COL4A4: variants seen among roughly 807,000 people sequenced by gnomAD.
COL4A4 encodes the protein collagen type IV alpha 4 chain, also known as collagen alpha-4(IV) chain.
Under a neutral mutation model 192.9 loss-of-function variants are expected in COL4A4, and 105 were observed. The ratio of observed to expected loss-of-function variants is 0.54; its 90% confidence interval spans 0.46 to 0.64. The LOEUF is 0.64. Ranked by LOEUF, COL4A4 falls within the 30% of genes least tolerant of loss-of-function variation. The pLI is 0.00. For missense variants in COL4A4, 1,967 were observed against 2,169.3 expected (o/e 0.91, Z 1.85); for synonymous variants, 762 against 769.9 (o/e 0.99, Z 0.17).
At position 227,062,507 on chromosome 2, in the gene COL4A4, C is replaced by T. The variant is rs377237257; in HGVS notation, c.2056+23G>A. On this transcript the variant is annotated intron_variant, in intron 26 of 47. Transcript: ENST00000396625. ...TTTTTACTCTGGGAAGTATATAAGA[C>T]AGTAACTTCTCATTGATAATACCTG... 10 of 1,443,596 alleles carry T rather than the reference C, an allele frequency of 6.9e-6. No individual in the cohort carries two copies. In the African/African-American group the frequency reaches 1.3e-4, roughly 18 times the overall value. The allele number at this position is 1,443,596 out of a possible 1,614,324, so 89.4% of individuals were successfully genotyped here.
At chr2:227,111,515 G>T (rs1486046731) in intron 9 of COL4A4, among the ~76,000 whole-genome samples, 163 bp downstream of exon 9, 3 of 152,100 alleles carry the variant, frequency 2.0e-5, no homozygotes, top group African/African-American at 7.2e-5. Context: ...TTCTGTGGTC[G>T]CCATCTTGAA....
rs1337297282 is a variant in COL4A4, at chr2:227,147,510, A to G, written c.-27T>C. 2 of 1,600,240 alleles carry G rather than the reference A, an allele frequency of 1.2e-6. No individual in the cohort carries two copies. The highest frequency in any genetic ancestry group is 1.1e-5 in the South Asian group (1 of 90,826). ...GCAGGCAAGTCTTAGTACTTAAAAA[A>G]TATTCTGCCAGTCTTCTCTTCCAGA... On this transcript the variant is annotated 5_prime_UTR_variant, in exon 2 of 48. Transcript: ENST00000396625.
chr2:226,969,355 G>A, the COL4A4 span, among the ~76,000 whole-genome samples: 1 of 144,548 alleles, frequency 6.9e-6, no homozygotes, highest in Non-Finnish European at 1.5e-5. Flanking sequence ...CTGTCACAAA[G>A]CAGCAATAGC....
chr2:227,089,025 C>A (rs549853107), intron 21 of COL4A4, among the ~76,000 whole-genome samples: 2 of 152,062 alleles, frequency 1.3e-5, no homozygotes, highest in Admixed American at 1.3e-4. Flanking sequence ...GTGGGCATAC[C>A]ATTTCTAAAC....
At position 227,006,776 on chromosome 2, in the gene COL4A4, TA is replaced by T. The variant is rs1055532578; in HGVS notation, c.*548del. ...AGTGTGAATTTTTTTTTTTCTTCTT[TA>T]AAAAAAAATCTCTCTTTGCGTCATG... is the stretch of plus-strand genomic sequence containing the variant. On this transcript the variant is annotated 3_prime_UTR_variant, in exon 48 of 48. Coordinates refer to ENST00000396625, the MANE Select transcript of COL4A4 (RefSeq NM_000092.5). 1.9e-5 allele frequency: 3 copies of T among 154,446 alleles called. No individual in the cohort carries two copies. Among genetic ancestry groups the T allele is most frequent in the South Asian group, 2.0e-4 (1 of 5,054 alleles). 9.6% of individuals were successfully genotyped at this position (154,446 alleles called of 1,614,324 possible).
At chr2:227,132,989 A>G (rs551581966) in intron 4 of COL4A4, among the ~76,000 whole-genome samples, 11 of 152,178 alleles carry the variant, frequency 7.2e-5, no homozygotes, top group African/African-American at 2.4e-4. Context: ...AGTGCTTTCT[A>G]TTTTCCTATA....
chr2:227,048,686 G>C (rs1240617169), intron 34 of COL4A4, among the ~76,000 whole-genome samples: 1 of 152,204 alleles, frequency 6.6e-6, no homozygotes, highest in Admixed American at 6.5e-5. Flanking sequence ...GGTATTTTGA[G>C]TGCATTTCAA....
chr2:227,002,074 G>A (rs114597859), downstream of COL4A4, among the ~76,000 whole-genome samples: 2,261 of 151,436 alleles, frequency 0.015, 44 homozygotes, highest in African/African-American at 0.052. Flanking sequence ...GGAGGGTGAG[G>A]CAGGAGGATC....
rs2060077104 is a variant in COL4A4, at chr2:227,094,033, T to C, written c.1369+92A>G. 7 of 1,267,586 alleles carry C rather than the reference T, an allele frequency of 5.5e-6. No homozygotes were observed. The South Asian group carries it at 9.3e-5, about 17-fold the overall frequency. 78.5% of individuals were successfully genotyped at this position (1,267,586 alleles called of 1,614,324 possible). Reference sequence around the variant, plus strand: ...TAGCTCATGAAACATCATATAACTTTTAAAATATTTTAAAAACTATGCTTT... The same window carrying C: ...TAGCTCATGAAACATCATATAACTTCTAAAATATTTTAAAAACTATGCTTT... On this transcript the variant is annotated intron_variant, in intron 20 of 47. Transcript: ENST00000396625.
chr2:227,114,780 A>C, intron 7 of COL4A4, 84 bp from the exon 8 acceptor site: 1 of 1,065,424 alleles, frequency 9.4e-7, no homozygotes, highest in Non-Finnish European at 1.4e-6. Context: ...AATATAACTC[A>C]TCAGTTAAAA....
the COL4A4 span, among the ~76,000 whole-genome samples, chr2:226,981,189 G>A: frequency 2.6e-5 from 4 of 152,136 alleles, no homozygotes; most frequent in Non-Finnish European, 5.9e-5. Flanking sequence ...GACACAGGGT[G>A]GGGAACATCA....
chr2:227,016,851 G>A (rs1964989557), intron 44 of COL4A4, among the ~76,000 whole-genome samples: 1 of 152,170 alleles, frequency 6.6e-6, no homozygotes, highest in Non-Finnish European at 1.5e-5. Flanking sequence ...CATGCTGTAT[G>A]TGGTTACCAT....
chr2:227,158,654 C>T (rs556613144), intron 1 of COL4A4, among the ~76,000 whole-genome samples: 13 of 151,492 alleles, frequency 8.6e-5, no homozygotes, highest in South Asian at 2.1e-4. Context: ...AAATTTTAAG[C>T]GGAAAAAAGA....
chr2:227,139,109 T>C (rs72971827), intron 4 of COL4A4, among the ~76,000 whole-genome samples: 7,282 of 152,230 alleles, frequency 0.048, 248 homozygotes, highest in Middle Eastern at 0.082. Context: ...CAGAGGACTC[T>C]TTCTCTCCAC....
chr2:227,069,338 G>T (rs1410073848), intron 25 of COL4A4, among the ~76,000 whole-genome samples: 2 of 151,998 alleles, frequency 1.3e-5, no homozygotes, highest in Non-Finnish European at 2.9e-5. Flanking sequence ...AGCTACCAAT[G>T]ACTTTCTTCA....
chr2:227,047,350 T>A, intron 35 of COL4A4, 125 bp downstream of exon 35: 1 of 745,626 alleles, frequency 1.3e-6, no homozygotes, highest in Non-Finnish European at 2.4e-6. Context: ...ACCCGTTTTA[T>A]CTATACCTTA....
At chr2:227,028,042 A>G in intron 41 of COL4A4, 33 bp from the exon 42 acceptor site, 3 of 1,373,270 alleles carry the variant, frequency 2.2e-6, no homozygotes, top group Non-Finnish European at 3.1e-6. Context: ...AAATGAGGGC[A>G]CTGGAATGAG....
intron 4 of COL4A4, among the ~76,000 whole-genome samples, chr2:227,133,485 A>G (rs1221825295): frequency 6.6e-6 from 1 of 152,242 alleles, no homozygotes; most frequent in Non-Finnish European, 1.5e-5. Context: ...CCATGTAGAC[A>G]TCAGCTGCTG....
intron 46 of COL4A4, 47 bp downstream of exon 46, chr2:227,010,266 A>G (rs374850468): frequency 6.2e-7 from 1 of 1,600,210 alleles, no homozygotes; most frequent in Non-Finnish European, 8.6e-7. Flanking sequence ...AATTAACCCC[A>G]AATTTTACTC....
Sources: allele counts gnomAD v4.1 joint callset (sites outside exome capture counted in the v4.1 genomes callset), GRCh38; gene constraint gnomAD v4.1.1; transcripts MANE v1.5; gene names NCBI Gene and HGNC (gene_info 2026-07-23, HGNC 2026-07-21).